Variants in THTPA observed in about 807,000 individuals in gnomAD.
The protein encoded by THTPA is thiamine-triphosphatase.
THTPA carries 16 observed loss-of-function variants against 16.5 expected under a neutral mutation model. That is an observed-to-expected ratio of 0.97 (90% CI 0.66 to 1.47). The LOEUF is 1.47. THTPA is among the 40% of genes most tolerant of loss of function. THTPA has a pLI of 0.00. For missense variants in THTPA, 281 were observed against 280.9 expected (o/e 1.00, Z 0.00); for synonymous variants, 110 against 115.5 (o/e 0.95, Z 0.30).
the THTPA span, chr14:23,525,058 G>T: frequency 3.3e-6 from 5 of 1,536,024 alleles, no homozygotes; most frequent in Admixed American, 2.0e-5. This position sits in a 1 kb window ranked among gnomAD's most constrained non-coding sequence, Gnocchi z 5.9. Flanking sequence ...ACAGACTTGC[G>T]AGTCGCTCCA....
chr14:23,526,638 G>A, the THTPA span: 9 of 1,535,906 alleles, frequency 5.9e-6, no homozygotes, highest in Non-Finnish European at 2.6e-6. Flanking sequence ...GGAGGCTCAG[G>A]AAGAGGATCT....
the THTPA span, chr14:23,530,330 T>G: frequency 4.0e-6 from 3 of 742,702 alleles, no homozygotes; most frequent in Non-Finnish European, 7.0e-6. Flanking sequence ...TAGGAGAGTA[T>G]GAAAAGCCAA....
the THTPA span, chr14:23,525,197 C>G: frequency 6.5e-7 from 1 of 1,536,166 alleles, no homozygotes; most frequent in Non-Finnish European, 8.7e-7. This position sits in a 1 kb window ranked among gnomAD's most constrained non-coding sequence, Gnocchi z 5.9. Flanking sequence ...CCCTCTGGAG[C>G]TTTCTTCCTC....
chr14:23,549,311 G>A, the THTPA span, among the ~76,000 whole-genome samples: 23 of 151,764 alleles, frequency 1.5e-4, no homozygotes, highest in Middle Eastern at 3.4e-3. Context: ...TTATTGCACC[G>A]ACCACCCCTT....
chr14:23,524,571 G>A, the THTPA span: 1 of 1,534,140 alleles, frequency 6.5e-7, no homozygotes, highest in East Asian at 2.4e-5. This position sits in a 1 kb window ranked among gnomAD's most constrained non-coding sequence, Gnocchi z 5.6. Context: ...GGCAGGAAAT[G>A]TAGTCGGCGG....
chr14:23,522,818 G>T, the THTPA span: 13 of 1,535,786 alleles, frequency 8.5e-6, no homozygotes, highest in South Asian at 1.5e-4. Context: ...TGCTGTGGAG[G>T]TGTTGGTTTG....
At chr14:23,538,743 G>A in the THTPA span, among the ~76,000 whole-genome samples, 7 of 152,184 alleles carry the variant, frequency 4.6e-5, no homozygotes, top group Non-Finnish European at 7.3e-5. Context: ...GAGGAAGAGG[G>A]TGGATCTGGT....
At chr14:23,543,890 A>C in the THTPA span, 1 of 152,138 alleles carries the variant, frequency 6.6e-6, no homozygotes, top group African/African-American at 2.4e-5. Context: ...CCTGGAATCA[A>C]ATTCTAGTTC....
chr14:23,521,332 G>A, the THTPA span: 23 of 152,648 alleles, frequency 1.5e-4, no homozygotes, highest in East Asian at 3.5e-3. Context: ...GAGTTTTGTG[G>A]GCTCCCTGCC....
the THTPA span, among the ~76,000 whole-genome samples, chr14:23,540,117 A>T: frequency 1.3e-5 from 2 of 152,136 alleles, no homozygotes; most frequent in African/African-American, 4.8e-5. Context: ...CCTCCCTCCC[A>T]GTAGCTGGGA....
chr14:23,552,199 T>G (rs1201195404), upstream of THTPA, among the ~76,000 whole-genome samples: 1 of 152,008 alleles, frequency 6.6e-6, no homozygotes, highest in African/African-American at 2.4e-5. Context: ...TTCTGCCTCC[T>G]CCACACGGTT....
the THTPA span, chr14:23,529,423 G>T: frequency 2.6e-6 from 1 of 391,744 alleles, no homozygotes; most frequent in Non-Finnish European, 4.7e-6. Context: ...CTTCCAGCAT[G>T]TACCCCCACT....
chr14:23,527,691 T>C, the THTPA span: 7 of 1,536,060 alleles, frequency 4.6e-6, no homozygotes, highest in Admixed American at 5.9e-5. Flanking sequence ...CCACCAGCTG[T>C]TCCTGGCACA....
chr14:23,524,347 C>G, the THTPA span: 1 of 1,536,302 alleles, frequency 6.5e-7, no homozygotes, highest in South Asian at 1.2e-5. The surrounding 1 kb of genome is among the most constrained non-coding windows in gnomAD (Gnocchi z 5.6). Flanking sequence ...GCTGCTCAGG[C>G]AAGATGGTGG....
At chr14:23,519,309 C>T in the THTPA span, among the ~76,000 whole-genome samples, 1 of 152,228 alleles carries the variant, frequency 6.6e-6, no homozygotes, top group African/African-American at 2.4e-5. Flanking sequence ...TTTCCTTTGT[C>T]TTGTTTTTGT....
chr14:23,545,839 A>G, the THTPA span, among the ~76,000 whole-genome samples: 1 of 152,246 alleles, frequency 6.6e-6, no homozygotes, highest in Non-Finnish European at 1.5e-5. Flanking sequence ...GATTAGGGAA[A>G]GAAAAGGGCA....
chr14:23,530,191 T>C, the THTPA span: 5 of 1,534,076 alleles, frequency 3.3e-6, no homozygotes, highest in Admixed American at 3.9e-5. Context: ...GACAGGAGCC[T>C]TCCCTGTGTA....
chr14:23,524,821 T>C, the THTPA span: 2 of 1,536,956 alleles, frequency 1.3e-6, no homozygotes, highest in Admixed American at 2.0e-5. The surrounding 1 kb of genome is among the most constrained non-coding windows in gnomAD (Gnocchi z 5.6). Context: ...CCTCTTCCCC[T>C]CTCTCTGCCT....
chr14:23,522,168 T>A, the THTPA span: 1 of 1,499,576 alleles, frequency 6.7e-7, no homozygotes, highest in Non-Finnish European at 8.9e-7. Context: ...TCACGCCCAC[T>A]CAGCAGCACC....
Sources: gnomAD v4.1 joint callset for allele counts (sites outside exome capture counted in the v4.1 genomes callset) on GRCh38, gnomAD v4.1.1 for gene constraint, Gnocchi (gnomAD v3.1) non-coding constraint, MANE v1.5 for transcripts, NCBI Gene and HGNC (gene_info 2026-07-23, HGNC 2026-07-21) for gene names.